The following SVOP variants were observed in gnomAD, a reference collection of about 807,000 sequenced individuals.
SVOP encodes SV2 related protein.
SVOP carries 17 observed loss-of-function variants against 69.1 expected under a neutral mutation model. The ratio of observed to expected loss-of-function variants is 0.25; its 90% confidence interval spans 0.17 to 0.37. SVOP has a LOEUF of 0.37. Among genes scored for constraint, SVOP ranks in the 10% least tolerant of loss-of-function variants. The pLI is 1.00. For missense variants in SVOP, 435 were observed against 597.5 expected, an observed-to-expected ratio of 0.73 and a Z score of 2.84; for synonymous variants, 238 against 238.6, an observed-to-expected ratio of 1.00 and a Z score of 0.02.
rs1370197186 is a variant in SVOP at position 108,932,330 on chromosome 12, A to G, written c.1048+1865T>C. ...CCATACCCAGCCATAATTTTAACCT[A>G]TATTACATTTTCACCTTAAAATACT... On this transcript the variant is annotated intron_variant, in intron 11 of 15. Coordinates refer to ENST00000610966, the MANE Select transcript of SVOP (RefSeq NM_018711.5). Among the ~76,000 whole-genome samples, 9 of 152,060 alleles carry G rather than the reference A, an allele frequency of 5.9e-5. No homozygotes were observed. In the East Asian group the frequency reaches 1.5e-3, roughly 26 times the overall value.
intron 11 of SVOP, among the ~76,000 whole-genome samples, chr12:108,924,961 C>T (rs2039771375): frequency 6.6e-6 from 1 of 152,048 alleles, no homozygotes; most frequent in South Asian, 2.1e-4. Context: ...GTCAGGCCCA[C>T]AGGCCAAACC....
chr12:108,943,648 T>A (rs1288075125), intron 7 of SVOP, among the ~76,000 whole-genome samples: 4 of 151,356 alleles, frequency 2.6e-5, no homozygotes, highest in Admixed American at 6.6e-5. Flanking sequence ...CCATACCACC[T>A]GCACTGGGCC....
At chr12:108,996,801 G>A (rs1043207861) in intron 1 of SVOP, among the ~76,000 whole-genome samples, 5 of 151,942 alleles carry the variant, frequency 3.3e-5, no homozygotes, top group Admixed American at 6.6e-5. Context: ...GAGTAGTGGC[G>A]TGTGCCTGCA....
chr12:108,946,350 T>C (rs2039922915), intron 6 of SVOP, among the ~76,000 whole-genome samples: 1 of 152,130 alleles, frequency 6.6e-6, no homozygotes, highest in African/African-American at 2.4e-5. Flanking sequence ...TCCTCCTGCC[T>C]TGACTTCCCA....
intron 5 of SVOP, among the ~76,000 whole-genome samples, chr12:108,963,324 G>A (rs896863381): frequency 2.0e-5 from 3 of 152,108 alleles, no homozygotes; most frequent in Non-Finnish European, 2.9e-5. Flanking sequence ...AAATGATTTC[G>A]AGTCTTTTAG....
rs190076887 is a variant in SVOP at position 108,930,541 on chromosome 12, A to C, written c.1048+3654T>G. 2.1e-3 allele frequency among the ~76,000 whole-genome samples: 315 copies of C among 151,090 alleles called. 2 individuals are homozygous for C. Among genetic ancestry groups the C allele is most frequent in the Non-Finnish European group, 3.1e-3 (209 of 67,894 alleles). On this transcript the variant is annotated intron_variant, in intron 11 of 15. Coordinates refer to ENST00000610966, the MANE Select transcript of SVOP (RefSeq NM_018711.5). ...CAGCCTCAGCCTCCCCAGTTCAAGC[A>C]ATTCTGCCTCAGCTTCCTGAGTAGC...
At chr12:108,998,258 A>AG (rs2040247952) in intron 1 of SVOP, among the ~76,000 whole-genome samples, 1 of 151,202 alleles carries the variant, frequency 6.6e-6, no homozygotes, top group Admixed American at 6.6e-5. Flanking sequence ...GGAAGTTTAG[A>AG]GAAAAAAGAA....
intron 13 of SVOP, 30 bp from the exon 14 acceptor site, chr12:108,918,154 A>AT (rs1321983828): frequency 2.6e-6 from 4 of 1,525,210 alleles, no homozygotes; most frequent in Admixed American, 2.1e-5. Flanking sequence ...AGATGATGGC[A>AT]TTTTTTTCTG....
Position 108,984,773 on chromosome 12 carries a change from A to G in SVOP, c.36-1012T>C, listed in dbSNP as rs1047244954. Among the ~76,000 whole-genome samples, 54 of 152,258 alleles carry G rather than the reference A, an allele frequency of 3.5e-4. No individual in the cohort carries two copies. In the Middle Eastern group the frequency reaches 0.017, roughly 48 times the overall value. ...TCTCCTTCCAACTTTCTCACTCCCA[A>G]ACACAAAATTCCTGCTGTCTCCCAG... On this transcript the variant is annotated intron_variant, in intron 1 of 15. Coordinates refer to ENST00000610966, the MANE Select transcript of SVOP (RefSeq NM_018711.5).
At chr12:108,961,145 A>G in intron 5 of SVOP, 98 bp from the exon 6 acceptor site, 1 of 1,414,000 alleles carries the variant, frequency 7.1e-7, no homozygotes, top group Non-Finnish European at 9.3e-7. Flanking sequence ...GTCACATTAA[A>G]GGGAGCCTAC....
intron 10 of SVOP, among the ~76,000 whole-genome samples, chr12:108,935,498 T>C (rs779172957): frequency 2.6e-5 from 4 of 152,214 alleles, no homozygotes; most frequent in Admixed American, 6.5e-5. Context: ...TGCCCCACCA[T>C]CCTTTTAAAA....
chr12:108,973,715 AG>A (rs2040091967), intron 4 of SVOP, among the ~76,000 whole-genome samples: 1 of 152,132 alleles, frequency 6.6e-6, no homozygotes, highest in South Asian at 2.1e-4. Context: ...GATCATTTTA[AG>A]GGAATTCATT....
rs549505762 is a variant in SVOP, at chr12:108,937,280, G to C, written c.955C>G (p.Leu319Val). ...AGCTCTTACCATATAAACCACAGCAGCAAAGTTGTCCATCTAAAATGGGGT... is the reference window on the plus strand; with the variant it reads ...AGCTCTTACCATATAAACCACAGCACCAAAGTTGTCCATCTAAAATGGGGT... The part of the protein sequence containing the change: ...FTPHFRWTTL[L>V]LWFIWFSNAF... Residue 319 changes from leucine to valine, a missense_variant, in exon 10 of 16, where the codon CTG becomes GTG. Physicochemically the swap from Leu to Val is conservative, Grantham distance 32 (BLOSUM62 1). Coordinates refer to ENST00000610966, the MANE Select transcript of SVOP (RefSeq NM_018711.5). The C allele has an allele frequency of 6.2e-7, 1 of 1,613,958 alleles. No homozygotes were observed. Among genetic ancestry groups the C allele is most frequent in the South Asian group, 1.1e-5 (1 of 91,086 alleles).
At chr12:109,015,860 T>G (rs1338110904) in intron 1 of SVOP, among the ~76,000 whole-genome samples, 1 of 152,062 alleles carries the variant, frequency 6.6e-6, no homozygotes, top group African/African-American at 2.4e-5. Flanking sequence ...CTCCAAAGTT[T>G]CCGGCCAAAT....
At chr12:108,982,015 A>G (rs1414740302) in intron 2 of SVOP, among the ~76,000 whole-genome samples, 1 of 151,554 alleles carries the variant, frequency 6.6e-6, no homozygotes, top group Non-Finnish European at 1.5e-5. Context: ...CACTACCATC[A>G]TCATCATCAC....
intron 6 of SVOP, among the ~76,000 whole-genome samples, chr12:108,955,066 C>A (rs1433854080): frequency 1.3e-5 from 2 of 152,160 alleles, no homozygotes; most frequent in Non-Finnish European, 2.9e-5. Context: ...TATGTCATTT[C>A]CAGGAAATGT....
rs1230724734 is a variant in SVOP, at chr12:109,005,268, T to C, written c.35+15566A>G. Among the ~76,000 whole-genome samples, 5 of 152,186 alleles carry C rather than the reference T, an allele frequency of 3.3e-5. No homozygotes were observed. The East Asian group carries it at 9.6e-4, about 29-fold the overall frequency. ...TGAATCCCCTACCCACACCATTCAG[T>C]ACCTGTGTGACCCTGGGTAGTTTAC... is the stretch of plus-strand genomic sequence containing the variant. On this transcript the variant is annotated intron_variant, in intron 1 of 15. Transcript: ENST00000610966.
At chr12:108,925,696 C>T (rs986220223) in intron 11 of SVOP, among the ~76,000 whole-genome samples, 3 of 152,192 alleles carry the variant, frequency 2.0e-5, no homozygotes, top group Middle Eastern at 3.2e-3. Flanking sequence ...TCTACTCCAG[C>T]ACACTGGTCT....
rs932232573 is a variant in SVOP at position 108,912,019 on chromosome 12, G to A, written c.*516C>T. 2.4e-5 allele frequency: 7 copies of A among 292,324 alleles called. No homozygotes were observed. The highest frequency in any genetic ancestry group is 6.3e-5 in the Admixed American group (1 of 15,894). The allele number at this position is 292,324 out of a possible 1,614,324, so 18.1% of individuals were successfully genotyped here. The stretch of plus-strand genomic sequence containing the variant: ...TGGTCAGGCTCTAGGGAGGCAAACC[G>A]GGGGGCCCCTGCCAGGAAATAGCTG... On this transcript the variant is annotated 3_prime_UTR_variant, in exon 16 of 16. Transcript: ENST00000610966.
Sources: gnomAD v4.1 joint callset for allele counts (sites outside exome capture counted in the v4.1 genomes callset) on GRCh38, gnomAD v4.1.1 for gene constraint, MANE v1.5 for transcripts, NCBI Gene and HGNC (gene_info 2026-07-23, HGNC 2026-07-21) for gene names.